RMDN2: variants seen among roughly 807,000 people sequenced by gnomAD.
RMDN2 encodes the protein regulator of microtubule dynamics protein 2.
Under a neutral mutation model 52.8 loss-of-function variants are expected in RMDN2, and 61 were observed. The observed-to-expected ratio is 1.16, with a 90% CI of 0.94 to 1.43. The LOEUF is 1.43. Among genes scored for constraint, RMDN2 ranks in the 40% most tolerant of loss-of-function variants. The pLI, the probability that RMDN2 is intolerant of heterozygous loss-of-function variation, is 0.00. For synonymous variants in RMDN2, 180 were observed against 153.1 expected (o/e 1.18, Z -1.30); for missense variants, 592 against 475.3 (o/e 1.25, Z -2.28).
intron 8 of RMDN2, 125 bp downstream of exon 8, chr2:37,997,639 T>C: frequency 1.5e-6 from 1 of 687,114 alleles, no homozygotes. Context: ...TTTTGGCATG[T>C]TCTGTTTTAA....
chr2:38,006,664 AC>A (rs1392453505), intron 10 of RMDN2, among the ~76,000 whole-genome samples: 79 of 152,250 alleles, frequency 5.2e-4, no homozygotes, highest in African/African-American at 1.8e-3. Context: ...GGACAATTTG[AC>A]TTCCTCTTTT....
intron 4 of RMDN2, among the ~76,000 whole-genome samples, 194 bp from the exon 5 acceptor site, chr2:37,981,088 AT>A: frequency 6.6e-6 from 1 of 152,340 alleles, no homozygotes; most frequent in Admixed American, 6.5e-5. Flanking sequence ...TAAACCACAG[AT>A]TATTGGGCCC....
At position 38,001,583 on chromosome 2, in the gene RMDN2, T is replaced by A. The variant is rs538278057; in HGVS notation, c.1045-2408T>A. ...AACTAAACATGGGTGTTAAGCTATA[T>A]ATCCAGAATTAGAATGCCAGCATTA... On this transcript the variant is annotated intron_variant, in intron 8 of 10. Transcript: ENST00000354545. Among the ~76,000 whole-genome samples the A allele has an allele frequency of 1.0e-3, 153 of 152,368 alleles. 1 individual carries two copies. Among genetic ancestry groups the A allele is most frequent in the Admixed American group, 2.6e-3 (40 of 15,304 alleles).
intron 7 of RMDN2, among the ~76,000 whole-genome samples, chr2:37,994,716 T>C (rs558983547): frequency 3.2e-4 from 48 of 152,322 alleles, no homozygotes; most frequent in South Asian, 8.3e-4. Flanking sequence ...AGCGAGGATA[T>C]AGAGCAATTG....
intron 5 of RMDN2, among the ~76,000 whole-genome samples, chr2:37,983,092 T>C (rs1341356872): frequency 1.3e-5 from 2 of 151,950 alleles, no homozygotes; most frequent in South Asian, 2.1e-4. Context: ...CCTTCTCTTC[T>C]TTCTCTCCCT....
intron 2 of RMDN2, among the ~76,000 whole-genome samples, chr2:37,956,322 T>C (rs565440700): frequency 1.3e-5 from 2 of 152,284 alleles, no homozygotes; most frequent in African/African-American, 4.8e-5. Flanking sequence ...TCTAGGTTAA[T>C]CAATTCGCTG....
intron 7 of RMDN2, among the ~76,000 whole-genome samples, chr2:37,993,534 A>T (rs1675104452): frequency 6.6e-6 from 1 of 152,030 alleles, no homozygotes; most frequent in African/African-American, 2.4e-5. Context: ...AAAAAATAAC[A>T]ATAAGGGGAA....
chr2:38,016,129 A>G (rs1678744141), intron 10 of RMDN2, among the ~76,000 whole-genome samples: 1 of 152,378 alleles, frequency 6.6e-6, no homozygotes, highest in South Asian at 2.1e-4. Flanking sequence ...AACACACTGT[A>G]TCAGTGTAAC....
chr2:38,032,610 C>T (rs1189425902), intron 10 of RMDN2, among the ~76,000 whole-genome samples: 1 of 152,198 alleles, frequency 6.6e-6, no homozygotes, highest in African/African-American at 2.4e-5. Flanking sequence ...GAGGCCGAGG[C>T]AGGCGGATCA....
chr2:37,935,199 G>A (rs1411284795), intron 2 of RMDN2, among the ~76,000 whole-genome samples: 1 of 152,112 alleles, frequency 6.6e-6, no homozygotes, highest in Non-Finnish European at 1.5e-5. Context: ...CATAATGTCA[G>A]GCATAGTATA....
At chr2:38,013,738 A>G (rs1049878850) in intron 10 of RMDN2, among the ~76,000 whole-genome samples, 4 of 152,346 alleles carry the variant, frequency 2.6e-5, no homozygotes, top group African/African-American at 7.2e-5. Flanking sequence ...CCTTCCTGTT[A>G]TAGAAATGCT....
At chr2:37,932,011 G>A (rs1272452853) in intron 2 of RMDN2, among the ~76,000 whole-genome samples, 1 of 151,454 alleles carries the variant, frequency 6.6e-6, no homozygotes, top group African/African-American at 2.4e-5. Context: ...CAAACAGTTT[G>A]GATTTTTTTG....
At chr2:37,951,270 C>A in intron 2 of RMDN2, 1 of 1,604,520 alleles carries the variant, frequency 6.2e-7, no homozygotes. Flanking sequence ...ACGATGTTCT[C>A]CAGAAGATCA....
chr2:38,038,455 A>C (rs1041171263), intron 10 of RMDN2, among the ~76,000 whole-genome samples: 6 of 152,152 alleles, frequency 3.9e-5, no homozygotes, highest in Admixed American at 6.5e-5. Context: ...CGTATTGAGC[A>C]AGCTGTTTTC....
In RMDN2 at chr2:37,929,732, A is replaced by G. The variant is rs537222668; in HGVS notation, c.452+3A>G. On this transcript the variant is annotated splice_donor_region_variant and intron_variant, in intron 2 of 10. Coordinates refer to ENST00000354545, the MANE Select transcript of RMDN2 (RefSeq NM_001170791.3). The stretch of plus-strand genomic sequence containing the variant: ...GAGGAAGCAGAAAGTGAAGGAGGGT[A>G]AGTTTCTTTAAGATATTTCCTATGT... 8.7e-6 allele frequency: 13 copies of G among 1,486,274 alleles called. No individual in the cohort carries two copies. In the South Asian group the frequency reaches 1.6e-4, roughly 19 times the overall value. 92.1% of individuals were successfully genotyped at this position (1,486,274 alleles called of 1,614,324 possible).
chr2:37,972,005 G>A (rs752486519), intron 2 of RMDN2, among the ~76,000 whole-genome samples: 6 of 151,958 alleles, frequency 3.9e-5, no homozygotes, highest in African/African-American at 1.5e-4. Flanking sequence ...CATGAATTTA[G>A]GTCATTTTAG....
At chr2:37,964,092 C>T (rs920640074) in intron 2 of RMDN2, among the ~76,000 whole-genome samples, 8 of 151,976 alleles carry the variant, frequency 5.3e-5, no homozygotes, top group African/African-American at 1.7e-4. Flanking sequence ...CTCCTCACTT[C>T]CCAGACGGGG....
At chr2:38,036,631 G>A (rs1037836820) in intron 10 of RMDN2, 1 of 151,748 alleles carries the variant, frequency 6.6e-6, no homozygotes, top group Non-Finnish European at 1.5e-5. Context: ...AGGCAGTGGT[G>A]GGTCGTGGGG....
intron 10 of RMDN2, among the ~76,000 whole-genome samples, chr2:38,042,852 G>A (rs547685784): frequency 1.3e-5 from 2 of 151,546 alleles, no homozygotes; most frequent in Non-Finnish European, 2.9e-5. Context: ...TTCCATTATG[G>A]TCTGTGAATA....
Sources: gnomAD v4.1 joint callset for allele counts (sites outside exome capture counted in the v4.1 genomes callset) on GRCh38, gnomAD v4.1.1 for gene constraint, MANE v1.5 for transcripts, NCBI Gene and HGNC (gene_info 2026-07-23, HGNC 2026-07-21) for gene names.